Variants in LRRC7 observed in about 807,000 individuals in gnomAD.
LRRC7 encodes the protein leucine rich repeat containing 7, also known as leucine-rich repeat-containing protein 7.
In LRRC7, 23 loss-of-function variants were observed where a neutral mutation model predicts 175.7. That is an observed-to-expected ratio of 0.13 (90% confidence interval 0.09 to 0.19). The LOEUF (loss-of-function observed/expected upper bound fraction) is 0.19. Among genes scored for constraint, LRRC7 ranks in the 10% least tolerant of loss-of-function variants. The probability of loss-of-function intolerance (pLI) is 1.00; values close to 1 mark genes in which losing one functional copy is unlikely to be tolerated. For missense variants in LRRC7, 1,354 were observed against 1,904.7 expected (o/e 0.71, Z 5.38); for synonymous variants, 685 against 680.9 (o/e 1.01, Z -0.09).
intron 1 of LRRC7, among the ~76,000 whole-genome samples, chr1:69,589,443 ACTAGGGTATGAAGAATC>A (rs1646543039): frequency 6.6e-6 from 1 of 152,112 alleles, no homozygotes; most frequent in African/African-American, 2.4e-5. Flanking sequence ...TTCATGTCTC[ACTAGGGTATGAAGAATC>A]CAATCGGGAG....
At chr1:69,696,736 G>C (rs1244729827) in intron 2 of LRRC7, among the ~76,000 whole-genome samples, 1 of 152,086 alleles carries the variant, frequency 6.6e-6, no homozygotes, top group Non-Finnish European at 1.5e-5. Context: ...CTGAGTTCAT[G>C]TGAGACGTGA....
At chr1:69,979,525 T>C (rs1288724138) in intron 8 of LRRC7, among the ~76,000 whole-genome samples, 1 of 152,162 alleles carries the variant, frequency 6.6e-6, no homozygotes, top group Non-Finnish European at 1.5e-5. Flanking sequence ...TCTAAAGTAT[T>C]CTCCTATATG....
intron 3 of LRRC7, among the ~76,000 whole-genome samples, chr1:69,761,617 G>A (rs888997918): frequency 2.6e-5 from 4 of 151,872 alleles, no homozygotes; most frequent in Non-Finnish European, 5.9e-5. Context: ...TTAGAGGTAG[G>A]TCAGGCCTAT....
chr1:69,631,405 G>C (rs1652473942), intron 1 of LRRC7, among the ~76,000 whole-genome samples: 1 of 152,048 alleles, frequency 6.6e-6, no homozygotes, highest in South Asian at 2.1e-4. Context: ...ATTCTTCAGA[G>C]TTTTGCCATA....
Position 70,038,290 on chromosome 1 carries a change from C to T in LRRC7, c.2466C>T (p.Thr822=), listed in dbSNP as rs1252438099. 1 of 1,614,106 alleles carries T rather than the reference C, an allele frequency of 6.2e-7. No individual in the cohort carries two copies. Among genetic ancestry groups the T allele is most frequent in the Non-Finnish European group, 8.5e-7 (1 of 1,180,012 alleles). Residue 822 remains threonine (T), a synonymous_variant, in exon 21 of 27, where the codon ACC becomes ACT. Transcript: ENST00000651989. ...ACACAGGGTTTGTTGCTGAGGAAAC[C>T]ACAGCCGAGAATGCCAACAGTAATC... ...YDNTGFVAEE[T]TAENANSNPL...
chr1:69,802,962 T>C (rs140423172), intron 4 of LRRC7, among the ~76,000 whole-genome samples: 2 of 151,548 alleles, frequency 1.3e-5, no homozygotes, highest in East Asian at 3.9e-4. Context: ...TTCTATGCTC[T>C]ATATGATCAA....
At chr1:69,761,314 G>T (rs116667316) in intron 3 of LRRC7, among the ~76,000 whole-genome samples, 2,002 of 152,050 alleles carry the variant, frequency 0.013, 19 homozygotes, top group Non-Finnish European at 0.02. Flanking sequence ...ATCAGAAAAA[G>T]AATCTTCCAC....
At chr1:69,718,621 C>T (rs1666008296) in intron 2 of LRRC7, among the ~76,000 whole-genome samples, 1 of 151,642 alleles carries the variant, frequency 6.6e-6, no homozygotes. Flanking sequence ...AAAACATGTA[C>T]TGAGTGAAAA....
intron 4 of LRRC7, among the ~76,000 whole-genome samples, chr1:69,792,527 T>G (rs1029535051): frequency 1.3e-5 from 2 of 152,124 alleles, no homozygotes; most frequent in Middle Eastern, 3.4e-3. Context: ...TCACCCTATT[T>G]GAAAATATAC....
chr1:70,115,955 T>C (rs1215534317), intron 26 of LRRC7, among the ~76,000 whole-genome samples: 1 of 152,236 alleles, frequency 6.6e-6, no homozygotes, highest in Non-Finnish European at 1.5e-5. Context: ...TTTGCAGTTA[T>C]TCTTTTTGTG....
chr1:69,931,663 C>T (rs1647396065), intron 8 of LRRC7, 93 bp downstream of exon 8: 1 of 986,220 alleles, frequency 1.0e-6, no homozygotes, highest in Non-Finnish European at 1.6e-6. Flanking sequence ...AACTTGATTG[C>T]ACGTTTGCAT....
At chr1:69,753,526 T>A (rs1487562684) in intron 2 of LRRC7, among the ~76,000 whole-genome samples, 1 of 152,042 alleles carries the variant, frequency 6.6e-6, no homozygotes, top group Non-Finnish European at 1.5e-5. Flanking sequence ...AATTAGTTTA[T>A]CATCAAAATG....
intron 18 of LRRC7, among the ~76,000 whole-genome samples, chr1:70,032,756 T>A (rs1658892823): frequency 6.6e-6 from 1 of 152,206 alleles, no homozygotes; most frequent in Non-Finnish European, 1.5e-5. Context: ...ATAAGCTTGC[T>A]TTCTTTCCTT....
At chr1:69,821,939 TG>T (rs1392579001) in intron 4 of LRRC7, among the ~76,000 whole-genome samples, 1 of 152,106 alleles carries the variant, frequency 6.6e-6, no homozygotes, top group Non-Finnish European at 1.5e-5. Flanking sequence ...TCCCTTGTTT[TG>T]TTTTGTTTGT....
chr1:69,774,220 C>T (rs753862331), intron 3 of LRRC7, among the ~76,000 whole-genome samples: 5 of 152,098 alleles, frequency 3.3e-5, no homozygotes, highest in African/African-American at 7.2e-5. Flanking sequence ...ATGCTGCAGC[C>T]GGCTATACAG....
At chr1:69,910,978 C>A (rs4494098) in intron 7 of LRRC7, among the ~76,000 whole-genome samples, 1 of 152,140 alleles carries the variant, frequency 6.6e-6, no homozygotes, top group African/African-American at 2.4e-5. Context: ...AGGGAGACTC[C>A]GTGGGCATAG....
chr1:69,885,739 C>G (rs61782583), intron 7 of LRRC7, among the ~76,000 whole-genome samples: 11,287 of 126,524 alleles, frequency 0.089, 620 homozygotes, highest in African/African-American at 0.2. Context: ...TTCCTGCTTT[C>G]TCTTGTGGGC....
At chr1:69,717,880 G>GAA (rs1665723447) in intron 2 of LRRC7, among the ~76,000 whole-genome samples, 3 of 87,896 alleles carry the variant, frequency 3.4e-5, no homozygotes, top group African/African-American at 1.6e-4. Context: ...GAAAGAAAGA[G>GAA]AGAAAAAGAG....
chr1:69,824,933 A>G (rs926329362), intron 4 of LRRC7, among the ~76,000 whole-genome samples: 4 of 152,164 alleles, frequency 2.6e-5, no homozygotes, highest in African/African-American at 9.7e-5. Context: ...GGCCTACTAC[A>G]TTGATCCATT....
Sources: gnomAD v4.1 joint callset for allele counts (sites outside exome capture counted in the v4.1 genomes callset) on GRCh38, gnomAD v4.1.1 for gene constraint, MANE v1.5 for transcripts, NCBI Gene and HGNC (gene_info 2026-07-23, HGNC 2026-07-21) for gene names.